Variants in PTER observed in about 807,000 individuals in gnomAD.
PTER encodes phosphotriesterase related.
In PTER, 38 loss-of-function variants were observed where a neutral mutation model predicts 29.6. That is an observed-to-expected ratio of 1.28 (90% CI 0.99 to 1.68). The LOEUF (loss-of-function observed/expected upper bound fraction) is 1.68, where lower values mean the gene tolerates loss of function less well. Ranked by LOEUF, PTER falls within the 40% of genes most tolerant of loss-of-function variation. The pLI, the probability that PTER is intolerant of heterozygous loss-of-function variation, is 0.00. For missense variants in PTER, 482 were observed against 427.8 expected, an observed-to-expected ratio of 1.13 and a Z score of -1.12; for synonymous variants, 172 against 154.5, an observed-to-expected ratio of 1.11 and a Z score of -0.84.
At chr10:16,493,972 A>C (rs913980704) in intron 3 of PTER, among the ~76,000 whole-genome samples, 3 of 152,194 alleles carry the variant, frequency 2.0e-5, no homozygotes, top group Admixed American at 6.5e-5. Flanking sequence ...TCTACCCACC[A>C]AAGCCTTCCA....
In PTER at chr10:16,484,758, C is replaced by A; in HGVS notation, c.374C>A (p.Ala125Asp). 1 of 1,613,678 alleles carries A rather than the reference C, an allele frequency of 6.2e-7. No homozygotes were observed. The highest frequency in any genetic ancestry group is 8.5e-7 in the Non-Finnish European group (1 of 1,179,912). ...ACTGGCGTCCATATCATATCTGGAG[C>A]CGGGTTTTATGTGGATGCAACTCAC... ...EETGVHIISGAGFYVDATHSS... is the reference protein window; with the variant it reads ...EETGVHIISGDGFYVDATHSS... Residue 125 changes from alanine to aspartate, a missense_variant, in exon 2 of 5, where the codon GCC (alanine) becomes GAC (aspartate). Ala to Asp is a moderately radical substitution (Grantham distance 126). Coordinates refer to ENST00000535784, the MANE Select transcript of PTER (RefSeq NM_001261836.2).
At chr10:16,508,991 A>T (rs576095738) in intron 4 of PTER, among the ~76,000 whole-genome samples, 30 of 152,304 alleles carry the variant, frequency 2.0e-4, no homozygotes, top group Middle Eastern at 3.4e-3. Flanking sequence ...TGTGTCTAAC[A>T]CCTGTTTTCA....
chr10:16,515,627 C>T (rs145744532), downstream of PTER, among the ~76,000 whole-genome samples: 47 of 152,248 alleles, frequency 3.1e-4, no homozygotes, highest in East Asian at 8.7e-3. Flanking sequence ...TAGACATTTA[C>T]AAACAGTCAA....
chr10:16,499,766 C>T (rs1236045758), intron 3 of PTER, among the ~76,000 whole-genome samples: 1 of 151,620 alleles, frequency 6.6e-6, no homozygotes, highest in Non-Finnish European at 1.5e-5. Context: ...TAATTGCCTT[C>T]ACGTTAATGT....
At chr10:16,502,433 GA>G (rs1836386780) in intron 3 of PTER, among the ~76,000 whole-genome samples, 1 of 152,076 alleles carries the variant, frequency 6.6e-6, no homozygotes, top group Admixed American at 6.6e-5. Context: ...TAAGAAGATG[GA>G]AAATGAGTAG....
intron 1 of PTER, among the ~76,000 whole-genome samples, chr10:16,440,734 C>T (rs563020058): frequency 1.3e-5 from 2 of 152,338 alleles, no homozygotes; most frequent in African/African-American, 4.8e-5. Context: ...GTGGTCTCAG[C>T]CTGGGTCATA....
downstream of PTER, among the ~76,000 whole-genome samples, chr10:16,517,460 G>T (rs942054423): frequency 6.6e-6 from 1 of 152,002 alleles, no homozygotes; most frequent in Non-Finnish European, 1.5e-5. Flanking sequence ...GTTTTCATTC[G>T]AGTGGCTTAT....
chr10:16,441,692 CTAGT>C (rs1361768185), intron 1 of PTER, among the ~76,000 whole-genome samples: 2 of 152,188 alleles, frequency 1.3e-5, no homozygotes, highest in African/African-American at 4.8e-5. Flanking sequence ...GGCCCAAGCA[CTAGT>C]GTGATGAATT....
intron 1 of PTER, among the ~76,000 whole-genome samples, chr10:16,476,514 C>T (rs550623773): frequency 2.0e-4 from 30 of 152,286 alleles, no homozygotes; most frequent in African/African-American, 7.0e-4. Context: ...TTTAAATGCT[C>T]CACAGTCACA....
At chr10:16,472,454 TC>T (rs1281944266) in intron 1 of PTER, among the ~76,000 whole-genome samples, 3 of 152,118 alleles carry the variant, frequency 2.0e-5, no homozygotes. Context: ...TCTCATGAGA[TC>T]CGCTGGTTTT....
At chr10:16,474,797 G>T (rs938662600) in intron 1 of PTER, among the ~76,000 whole-genome samples, 2 of 152,124 alleles carry the variant, frequency 1.3e-5, no homozygotes, top group African/African-American at 4.8e-5. Context: ...TGAGGCAGGA[G>T]AATCGCTTGA....
chr10:16,509,626 G>A (rs531833103), intron 4 of PTER, among the ~76,000 whole-genome samples: 2 of 152,132 alleles, frequency 1.3e-5, no homozygotes, highest in Non-Finnish European at 2.9e-5. Flanking sequence ...TCAGTATTGT[G>A]TGTGCATTCT....
intron 1 of PTER, among the ~76,000 whole-genome samples, chr10:16,475,540 G>A (rs1168022272): frequency 6.6e-6 from 1 of 152,118 alleles, no homozygotes; most frequent in African/African-American, 2.4e-5. Flanking sequence ...TCCCAAACTG[G>A]CTTTGCATCA....
chr10:16,501,328 T>TACACACACACACACACACACAC (rs35321143), intron 3 of PTER, among the ~76,000 whole-genome samples: 3 of 117,154 alleles, frequency 2.6e-5, no homozygotes, highest in Non-Finnish European at 5.2e-5. Context: ...AATGAATAAC[T>TACACACACACACACACACACAC]ACACACACAC....
At chr10:16,503,545 C>G (rs1352691565) in intron 3 of PTER, among the ~76,000 whole-genome samples, 1 of 152,126 alleles carries the variant, frequency 6.6e-6, no homozygotes, top group Non-Finnish European at 1.5e-5. Context: ...GCTGGGATTA[C>G]AGGCACCCAC....
intron 3 of PTER, among the ~76,000 whole-genome samples, chr10:16,487,013 A>G (rs572899989): frequency 6.6e-6 from 1 of 152,350 alleles, no homozygotes; most frequent in East Asian, 1.9e-4. Flanking sequence ...TCACACATAT[A>G]AAGGGAGGGA....
rs1236828083 is a variant in PTER, at chr10:16,505,170, G to T, written c.839+10G>T. The stretch of plus-strand genomic sequence containing the variant: ...ACAAAAGAATTAGAAGGTAAATATG[G>T]TAAAGCCTCTCATAGCATTCCCTTT... On this transcript the variant is annotated intron_variant, in intron 4 of 4. Transcript: ENST00000535784. 1.9e-6 allele frequency: 3 copies of T among 1,613,312 alleles called. No individual in the cohort carries two copies. In the South Asian group the frequency reaches 3.3e-5, roughly 18 times the overall value.
intron 1 of PTER, among the ~76,000 whole-genome samples, chr10:16,455,173 G>A (rs910639864): frequency 1.3e-5 from 2 of 152,022 alleles, no homozygotes; most frequent in African/African-American, 4.8e-5. Flanking sequence ...AGGTTGCAGT[G>A]AGCTATAATC....
At chr10:16,499,668 T>C (rs1836256105) in intron 3 of PTER, among the ~76,000 whole-genome samples, 2 of 152,104 alleles carry the variant, frequency 1.3e-5, no homozygotes, top group African/African-American at 4.8e-5. Flanking sequence ...GGTCTGGAAT[T>C]CATGAGCTCA....
Sources: allele counts gnomAD v4.1 joint callset (sites outside exome capture counted in the v4.1 genomes callset), GRCh38; gene constraint gnomAD v4.1.1; transcripts MANE v1.5; gene names NCBI Gene and HGNC (gene_info 2026-07-23, HGNC 2026-07-21).